DSG3: variants seen among roughly 807,000 people sequenced by gnomAD.
DSG3 encodes desmoglein-3.
A neutral mutation model predicts 85.9 loss-of-function variants in DSG3; 63 were observed. The observed-to-expected ratio is 0.73, with a 90% CI of 0.60 to 0.90. The LOEUF (loss-of-function observed/expected upper bound fraction) is 0.90. Ranked by LOEUF, DSG3 falls within the 40% of genes least tolerant of loss-of-function variation. The pLI, the probability that DSG3 is intolerant of heterozygous loss-of-function variation, is 0.00. For missense variants in DSG3, 1,220 were observed against 1,219.9 expected (o/e 1.00, Z 0.00); for synonymous variants, 447 against 441.9 (o/e 1.01, Z -0.14).
At chr18:31,465,596 T>C in intron 10 of DSG3, 139 bp downstream of exon 10, 3 of 792,278 alleles carry the variant, frequency 3.8e-6, no homozygotes, top group Non-Finnish European at 5.2e-6. Flanking sequence ...GGGCCTCAAG[T>C]TTGAGGCAGC....
chr18:31,458,226 T>G (rs972028920), intron 3 of DSG3, among the ~76,000 whole-genome samples: 1 of 152,166 alleles, frequency 6.6e-6, no homozygotes, highest in Non-Finnish European at 1.5e-5. Context: ...ATTCTAACAC[T>G]AAAATGATTA....
chr18:31,476,427 A>G lies in DSG3; in HGVS notation c.*167A>G. 1 of 706,248 alleles carries G rather than the reference A, an allele frequency of 1.4e-6. No individual in the cohort carries two copies. The highest frequency in any genetic ancestry group is 2.2e-6 in the Non-Finnish European group (1 of 463,532). The allele number at this position is 706,248 out of a possible 1,614,324, so 43.7% of individuals were successfully genotyped here. On this transcript the variant is annotated 3_prime_UTR_variant, in exon 16 of 16. Coordinates refer to ENST00000257189, the MANE Select transcript of DSG3 (RefSeq NM_001944.3). ...TAAATGTTTGGGTTCATACCCCAAA[A>G]GCAATATGTTGTCACTCCTAATTCT...
At chr18:31,471,901 T>G (rs534579354) in intron 12 of DSG3, among the ~76,000 whole-genome samples, 1 of 152,210 alleles carries the variant, frequency 6.6e-6, no homozygotes, top group Non-Finnish European at 1.5e-5. Flanking sequence ...CATATATTTA[T>G]CTGTGTATTC....
At chr18:31,470,650 A>G (rs2072849988) in intron 12 of DSG3, among the ~76,000 whole-genome samples, 1 of 152,228 alleles carries the variant, frequency 6.6e-6, no homozygotes, top group African/African-American at 2.4e-5. Flanking sequence ...GAAAAATACC[A>G]TGATAAAGCT....
At chr18:31,464,085 G>T (rs755838960) in intron 8 of DSG3, 26 bp from the exon 9 acceptor site, 1 of 1,598,668 alleles carries the variant, frequency 6.3e-7, no homozygotes, top group East Asian at 2.2e-5. Context: ...TTGTGAAACT[G>T]CCTTCTAATT....
chr18:31,472,830 T>G (rs761341897), intron 14 of DSG3, 42 bp downstream of exon 14: 1 of 1,555,878 alleles, frequency 6.4e-7, no homozygotes. Flanking sequence ...GTGAGTTAAG[T>G]GGTAAATATT....
intron 5 of DSG3, 141 bp from the exon 6 acceptor site, chr18:31,459,704 G>C (rs118115071): frequency 0.02 from 15,367 of 778,248 alleles, 221 homozygotes; most frequent in Non-Finnish European, 0.024. Context: ...GGTATCACAA[G>C]TGATATACAA....
intron 15 of DSG3, 113 bp downstream of exon 15, chr18:31,474,517 GA>G (rs1183910722): frequency 1.4e-5 from 19 of 1,316,330 alleles, no homozygotes; most frequent in East Asian, 1.4e-4. Context: ...TAAAATGCAA[GA>G]AAAAAATGGT....
chr18:31,474,108 C>G lies in DSG3; in HGVS notation c.2102-13C>G. 1.2e-6 allele frequency: 2 copies of G among 1,604,544 alleles called. No individual in the cohort carries two copies. The highest frequency in any genetic ancestry group is 1.7e-6 in the Non-Finnish European group (2 of 1,172,594). The stretch of plus-strand genomic sequence containing the variant: ...AGCATAAGATATTACAGAATGTTCT[C>G]CCTTGTTTTTAGAAGTTTGTACAAA... On this transcript the variant is annotated splice_polypyrimidine_tract_variant and intron_variant, in intron 14 of 15. Coordinates refer to ENST00000257189, the MANE Select transcript of DSG3 (RefSeq NM_001944.3).
Position 31,476,085 on chromosome 18 carries a change from C to A in DSG3, c.2825C>A (p.Ser942Tyr), listed in dbSNP as rs141527621. The A allele has an allele frequency of 6.2e-7, 1 of 1,614,166 alleles. No homozygotes were observed. The highest frequency in any genetic ancestry group is 1.1e-5 in the South Asian group (1 of 91,080). ...ACGGAGACTTACTCGGCTTCTGGTTCCCTCGTGCAACCTTCCACTGCAGGC... is the reference window on the plus strand; with the variant it reads ...ACGGAGACTTACTCGGCTTCTGGTTACCTCGTGCAACCTTCCACTGCAGGC... ...LVTETYSASG[S>Y]LVQPSTAGFD... Residue 942 changes from serine (S) to tyrosine (Y), a missense_variant, in exon 16 of 16, where the codon TCC becomes TAC. By Grantham distance (144) the Ser-to-Tyr change is moderately radical. Transcript: ENST00000257189.
chr18:31,468,073 T>C (rs189689111), intron 11 of DSG3, among the ~76,000 whole-genome samples: 1 of 152,254 alleles, frequency 6.6e-6, no homozygotes, highest in Admixed American at 6.5e-5. Context: ...TGTCAAAGGA[T>C]ATGGTGGGAT....
rs561141222 is a variant in DSG3 at position 31,465,670 on chromosome 18, T to C, written c.1411+213T>C. On this transcript the variant is annotated intron_variant, in intron 10 of 15. Transcript: ENST00000257189. ...GTGGAGATTGAACCAGTGAATTCTG[T>C]GTTAGGTCCCTGTGGTTTGCTGTGG... Among the ~76,000 whole-genome samples, 10 of 152,310 alleles carry C rather than the reference T, an allele frequency of 6.6e-5. No homozygotes were observed. The East Asian group carries it at 1.7e-3, about 26-fold the overall frequency.
chr18:31,453,968 C>A (rs1568085225), intron 1 of DSG3, among the ~76,000 whole-genome samples: 2 of 151,666 alleles, frequency 1.3e-5, no homozygotes, highest in Non-Finnish European at 2.9e-5. Flanking sequence ...TTAAAATGTC[C>A]AAAATTATTA....
intron 12 of DSG3, among the ~76,000 whole-genome samples, chr18:31,469,762 G>A (rs1191721378): frequency 6.6e-6 from 1 of 151,910 alleles, no homozygotes; most frequent in African/African-American, 2.4e-5. Context: ...CAAAGTTAGG[G>A]AAATACAAAT....
rs770342003 is a variant in DSG3, at chr18:31,466,793, C to T, written c.1636+39C>T. ...AAGTTGCTTCTATAAATGCAAACTG[C>T]TCCTTTGTATTTCCAGAAGAATAAG... On this transcript the variant is annotated intron_variant, in intron 11 of 15. Coordinates refer to ENST00000257189, the MANE Select transcript of DSG3 (RefSeq NM_001944.3). 9 of 1,533,340 alleles carry T rather than the reference C, an allele frequency of 5.9e-6. 1 individual carries two copies. The Middle Eastern group carries it at 1.2e-3, about 202-fold the overall frequency. The allele number at this position is 1,533,340 out of a possible 1,614,324, so 95.0% of individuals were successfully genotyped here.
Position 31,457,054 on chromosome 18 carries a change from G to T in DSG3, c.146G>T (p.Arg49Leu). 6 of 1,613,266 alleles carry T rather than the reference G, an allele frequency of 3.7e-6. No homozygotes were observed. Among genetic ancestry groups the T allele is most frequent in the Non-Finnish European group, 5.1e-6 (6 of 1,179,650 alleles). Residue 49 changes from arginine to leucine, a missense_variant, in exon 3 of 16, where the codon CGT becomes CTT. Physicochemically the swap from Arg to Leu is moderately radical, Grantham distance 102. Transcript: ENST00000257189. Reference protein sequence around the residue: ...TMQQAKRRQKREWVKFAKPCR... With the variant: ...TMQQAKRRQKLEWVKFAKPCR... ...CAACAAGCTAAAAGAAGGCAAAAAC[G>T]TGAATGGGTGAAATTTGCCAAACCC...
At chr18:31,469,723 T>C (rs745667243) in intron 12 of DSG3, among the ~76,000 whole-genome samples, 3 of 152,116 alleles carry the variant, frequency 2.0e-5, no homozygotes, top group Non-Finnish European at 4.4e-5. Context: ...CTCATGAGAT[T>C]CTAAGATAAA....
chr18:31,465,291 A>G, intron 9 of DSG3, 27 bp from the exon 10 acceptor site: 1 of 1,358,876 alleles, frequency 7.4e-7, no homozygotes, highest in South Asian at 2.4e-5. Flanking sequence ...TTGAAAGAAA[A>G]CTGATTTTTT....
rs181151959 is a variant in DSG3, at chr18:31,456,773, G to A, written c.85-220G>A. Among the ~76,000 whole-genome samples the A allele has an allele frequency of 1.3e-3, 201 of 152,160 alleles. 2 individuals carry two copies. Among genetic ancestry groups the A allele is most frequent in the African/African-American group, 4.7e-3 (197 of 41,536 alleles). On this transcript the variant is annotated intron_variant, in intron 2 of 15. Transcript: ENST00000257189. ...AGTATAAAAAGAAAATATAAAATAC[G>A]ACTAAATGCTAATATTAAAAATCAC...
Sources: allele counts gnomAD v4.1 joint callset (sites outside exome capture counted in the v4.1 genomes callset), GRCh38; gene constraint gnomAD v4.1.1; transcripts MANE v1.5; gene names NCBI Gene and HGNC (gene_info 2026-07-23, HGNC 2026-07-21).